The following ZNF567 variants were observed in gnomAD, a reference collection of about 807,000 sequenced individuals.
ZNF567 encodes the protein zinc finger protein 567.
ZNF567 carries 36 observed loss-of-function variants against 53.9 expected under a neutral mutation model. The observed-to-expected ratio is 0.67, with a 90% CI of 0.51 to 0.88. The LOEUF is 0.88. Among genes scored for constraint, ZNF567 ranks in the 40% least tolerant of loss-of-function variants. The pLI, the probability that ZNF567 is intolerant of heterozygous loss-of-function variation, is 0.00. For missense variants in ZNF567, 619 were observed against 764.7 expected, an observed-to-expected ratio of 0.81 and a Z score of 2.25; for synonymous variants, 224 against 260.4, an observed-to-expected ratio of 0.86 and a Z score of 1.35.
intron 2 of ZNF567, among the ~76,000 whole-genome samples, chr19:36,690,942 CAG>C (rs1272094226): frequency 6.6e-6 from 1 of 152,142 alleles, no homozygotes; most frequent in African/African-American, 2.4e-5. Flanking sequence ...CTACCTCACT[CAG>C]GGTTTTTGTG....
chr19:36,679,568 T>G, the ZNF567 span, among the ~76,000 whole-genome samples: 2 of 152,188 alleles, frequency 1.3e-5, no homozygotes, highest in African/African-American at 4.8e-5. Context: ...AACTAAGATA[T>G]GGAAACAAGC....
intron 3 of ZNF567, among the ~76,000 whole-genome samples, chr19:36,697,933 T>A (rs2038970444): frequency 6.6e-6 from 1 of 151,636 alleles, no homozygotes; most frequent in Non-Finnish European, 1.5e-5. Context: ...TTTTTTTTTT[T>A]TTTATTATAC....
intron 5 of ZNF567, among the ~76,000 whole-genome samples, chr19:36,714,926 T>G (rs2039967970): frequency 6.6e-6 from 1 of 152,178 alleles, no homozygotes; most frequent in South Asian, 2.1e-4. Flanking sequence ...CTTATTTCTC[T>G]CATATGCCCT....
At chr19:36,673,417 C>A in the ZNF567 span, among the ~76,000 whole-genome samples, 3 of 152,162 alleles carry the variant, frequency 2.0e-5, no homozygotes, top group African/African-American at 7.2e-5. Context: ...GAGAGTAACA[C>A]TTAAATCAGT....
downstream of ZNF567, among the ~76,000 whole-genome samples, chr19:36,726,750 A>G (rs1018336680): frequency 2.6e-5 from 4 of 152,242 alleles, 1 homozygote; most frequent in South Asian, 6.2e-4. Flanking sequence ...ACTGCTGCAT[A>G]TGGGAATGGA....
At position 36,719,868 on chromosome 19, in the gene ZNF567, C is replaced by G; in HGVS notation, c.1144C>G (p.Leu382Val). The G allele has an allele frequency of 6.2e-7, 1 of 1,606,350 alleles. No homozygotes were observed. The highest frequency in any genetic ancestry group is 8.5e-7 in the Non-Finnish European group (1 of 1,175,440). The stretch of plus-strand genomic sequence containing the variant: ...CTTCCGCCAGAAGACAACACTCTCT[C>G]TACATCAGAGAATCCATACAGGTGA... ...KSFRQKTTLS[L>V]HQRIHTGEKP... The change falls in exon 6 of 6, where the codon CTA (leucine) becomes GTA (valine). Residue 382 changes from leucine (L) to valine (V), a missense_variant. Physicochemically the swap from Leu to Val is conservative, Grantham distance 32. Coordinates refer to ENST00000682579, the MANE Select transcript of ZNF567 (RefSeq NM_001322917.1).
intron 3 of ZNF567, among the ~76,000 whole-genome samples, chr19:36,707,940 G>C (rs531909266): frequency 1.4e-4 from 21 of 151,934 alleles, no homozygotes; most frequent in African/African-American, 5.1e-4. Flanking sequence ...CTGTTGCCCA[G>C]GCTGGAGTGC....
chr19:36,677,761 C>CA, the ZNF567 span, among the ~76,000 whole-genome samples: 14 of 151,866 alleles, frequency 9.2e-5, no homozygotes, highest in African/African-American at 3.1e-4. Context: ...AGTGAGACTC[C>CA]AACTCAAAAA....
At chr19:36,682,873 C>T (rs1471009015), upstream of ZNF567, among the ~76,000 whole-genome samples, 1 of 151,926 alleles carries the variant, frequency 6.6e-6, no homozygotes. Context: ...TCCCAAAGTG[C>T]TGGGATTACA....
chr19:36,694,793 C>A lies in ZNF567; in HGVS notation c.-66-9C>A. The A allele has an allele frequency of 1.4e-6, 2 of 1,435,476 alleles. No individual in the cohort carries two copies. The highest frequency in any genetic ancestry group is 1.8e-6 in the Non-Finnish European group (2 of 1,083,852). 88.9% of individuals were successfully genotyped at this position (1,435,476 alleles called of 1,614,324 possible). A position where few individuals can be genotyped will look rare whatever the true frequency, so the allele number is the denominator to read the frequency against. ...TGTGGCTTTTTTTGTCTCGGCTTTG[C>A]CTCCTTAGGAACTGCCTCTTTTCTA... is the stretch of plus-strand genomic sequence containing the variant. On this transcript the variant is annotated splice_polypyrimidine_tract_variant and intron_variant, in intron 2 of 5. Coordinates refer to ENST00000682579, the MANE Select transcript of ZNF567 (RefSeq NM_001322917.1).
the ZNF567 span, among the ~76,000 whole-genome samples, chr19:36,676,281 G>A: frequency 6.6e-6 from 1 of 151,216 alleles, no homozygotes; most frequent in Non-Finnish European, 1.5e-5. Context: ...GGCCAGGCTG[G>A]TCTCGAACCT....
At chr19:36,702,052 C>T (rs1230419367) in intron 3 of ZNF567, among the ~76,000 whole-genome samples, 4 of 151,898 alleles carry the variant, frequency 2.6e-5, no homozygotes, top group African/African-American at 4.8e-5. Context: ...GATTTTGCAG[C>T]GGCTGGTACT....
At chr19:36,700,734 T>C (rs866559970) in intron 3 of ZNF567, among the ~76,000 whole-genome samples, 2 of 152,234 alleles carry the variant, frequency 1.3e-5, no homozygotes, top group African/African-American at 4.8e-5. Context: ...TATCCTCTGA[T>C]GGTAGTTTGT....
At chr19:36,716,889 G>T (rs940963503) in intron 5 of ZNF567, among the ~76,000 whole-genome samples, 1 of 152,020 alleles carries the variant, frequency 6.6e-6, no homozygotes, top group Non-Finnish European at 1.5e-5. Flanking sequence ...GCAGTGGCAC[G>T]ATCTCAGCTC....
At chr19:36,718,190 G>A (rs2040147985) in intron 5 of ZNF567, among the ~76,000 whole-genome samples, 1 of 152,050 alleles carries the variant, frequency 6.6e-6, no homozygotes, top group South Asian at 2.1e-4. Flanking sequence ...AGTCATCTAG[G>A]GATGTGTGTA....
chr19:36,682,376 A>G, the ZNF567 span, among the ~76,000 whole-genome samples: 1 of 151,802 alleles, frequency 6.6e-6, no homozygotes, highest in Non-Finnish European at 1.5e-5. Flanking sequence ...TATACTTAGA[A>G]ATAATGTTGA....
chr19:36,707,343 C>T (rs2039549212), intron 3 of ZNF567, among the ~76,000 whole-genome samples: 1 of 152,184 alleles, frequency 6.6e-6, no homozygotes, highest in Non-Finnish European at 1.5e-5. Context: ...TATTGGAACT[C>T]AGCCAACGGT....
downstream of ZNF567, chr19:36,727,012 T>TTTCTTTCTTTCTTTCTTTCTTTCTTTC (rs1555809313): frequency 1.6e-5 from 2 of 125,616 alleles, no homozygotes; most frequent in African/African-American, 3.3e-5. Flanking sequence ...CTTTCTTTCC[T>TTTCTTTCTTTCTTTCTTTCTTTCTTTC]TTTTTTTTTT....
rs916744466 is a variant in ZNF567 at position 36,719,806 on chromosome 19, G to C, written c.1082G>C (p.Gly361Ala). 2 of 1,614,178 alleles carry C rather than the reference G, an allele frequency of 1.2e-6. No homozygotes were observed. Among genetic ancestry groups the C allele is most frequent in the Admixed American group, 3.3e-5 (2 of 60,006 alleles). The change falls in exon 6 of 6, where the codon GGA becomes GCA. Residue 361 changes from glycine (G) to alanine (A), a missense_variant. Physicochemically the swap from Gly to Ala is moderately conservative, Grantham distance 60. Transcript: ENST00000682579. ...ATTCGTCATCAGAGAACTCACACGG[G>C]AGAGAAACCATATGAGTGTAATGAC... ...HLIRHQRTHT[G>A]EKPYECNDCG...
Sources: gnomAD v4.1 joint callset for allele counts (sites outside exome capture counted in the v4.1 genomes callset) on GRCh38, gnomAD v4.1.1 for gene constraint, MANE v1.5 for transcripts, NCBI Gene and HGNC (gene_info 2026-07-23, HGNC 2026-07-21) for gene names.